MYRIP: variants seen among roughly 807,000 people sequenced by gnomAD.
MYRIP encodes the protein myosin VIIA and Rab interacting protein.
A neutral mutation model predicts 98.0 loss-of-function variants in MYRIP; 49 were observed. That is an observed-to-expected ratio of 0.50 (90% CI 0.40 to 0.63). The LOEUF (loss-of-function observed/expected upper bound fraction) is 0.63, where lower values mean the gene tolerates loss of function less well. MYRIP is among the 30% of genes least tolerant of loss of function. MYRIP has a pLI of 0.00. For synonymous variants in MYRIP, 404 were observed against 409.5 expected, an observed-to-expected ratio of 0.99 and a Z score of 0.16; for missense variants, 1,004 against 1,058.2, an observed-to-expected ratio of 0.95 and a Z score of 0.71.
chr3:40,017,188 C>T (rs1445206314), intron 2 of MYRIP, among the ~76,000 whole-genome samples: 1 of 152,226 alleles, frequency 6.6e-6, no homozygotes, highest in Non-Finnish European at 1.5e-5. Context: ...TGCACTCCCA[C>T]TTCCTTGCAC....
chr3:39,955,740 A>T (rs943274224), intron 2 of MYRIP, among the ~76,000 whole-genome samples: 22 of 152,234 alleles, frequency 1.4e-4, no homozygotes, highest in Admixed American at 4.6e-4. Context: ...GGCAAATTGG[A>T]TGAAGAGTCA....
intron 8 of MYRIP, among the ~76,000 whole-genome samples, chr3:40,181,281 C>T (rs1475144326): frequency 6.6e-6 from 1 of 152,044 alleles, no homozygotes; most frequent in Non-Finnish European, 1.5e-5. Flanking sequence ...CATGGCCCTG[C>T]CCACAGCTCT....
chr3:40,139,370 C>T (rs1261390516), intron 3 of MYRIP, among the ~76,000 whole-genome samples: 1 of 152,152 alleles, frequency 6.6e-6, no homozygotes, highest in Non-Finnish European at 1.5e-5. Flanking sequence ...AGAACATTTC[C>T]AACTTCTTGA....
intron 3 of MYRIP, among the ~76,000 whole-genome samples, chr3:40,103,690 C>T (rs891606140): frequency 5.3e-5 from 8 of 151,896 alleles, no homozygotes; most frequent in Non-Finnish European, 1.0e-4. Context: ...ACCCAGGAGG[C>T]GGAGGTTGCA....
At chr3:39,936,499 G>A (rs906690455) in intron 2 of MYRIP, among the ~76,000 whole-genome samples, 3 of 152,114 alleles carry the variant, frequency 2.0e-5, no homozygotes, top group African/African-American at 7.2e-5. Context: ...GTATCTCCAA[G>A]CAGCAAACAA....
intron 11 of MYRIP, 55 bp downstream of exon 11, chr3:40,210,148 G>A (rs1951884181): frequency 2.5e-6 from 4 of 1,577,578 alleles, no homozygotes; most frequent in Non-Finnish European, 3.4e-6. Flanking sequence ...TGGGGTGTTG[G>A]AGAAAGATCC....
intron 2 of MYRIP, among the ~76,000 whole-genome samples, chr3:40,028,274 A>C (rs1390376210): frequency 6.6e-6 from 1 of 152,174 alleles, no homozygotes; most frequent in Non-Finnish European, 1.5e-5. Flanking sequence ...CACCAGATGT[A>C]AGAAGATACT....
intron 2 of MYRIP, among the ~76,000 whole-genome samples, chr3:39,978,420 T>C (rs1007719229): frequency 6.6e-6 from 1 of 152,188 alleles, no homozygotes; most frequent in African/African-American, 2.4e-5. Context: ...GGCTAGTGTC[T>C]CCCATAGCAG....
intron 1 of MYRIP, among the ~76,000 whole-genome samples, chr3:39,871,057 G>C (rs1021949117): frequency 1.3e-5 from 2 of 152,220 alleles, no homozygotes; most frequent in Non-Finnish European, 2.9e-5. Flanking sequence ...GAGATTTACT[G>C]TGATTCAATG....
chr3:39,937,962 G>A (rs1045299512), intron 2 of MYRIP, among the ~76,000 whole-genome samples: 1 of 152,272 alleles, frequency 6.6e-6, no homozygotes, highest in Non-Finnish European at 1.5e-5. Context: ...AGGAGGAGGA[G>A]AGAGAAGTAG....
intron 2 of MYRIP, among the ~76,000 whole-genome samples, chr3:39,920,887 T>C (rs959709486): frequency 6.6e-6 from 1 of 152,176 alleles, no homozygotes; most frequent in African/African-American, 2.4e-5. Context: ...AGTCCTCCTA[T>C]ACCAGCCTCT....
intron 1 of MYRIP, among the ~76,000 whole-genome samples, chr3:39,847,497 T>C (rs1942000160): frequency 6.6e-6 from 1 of 152,248 alleles, no homozygotes; most frequent in South Asian, 2.1e-4. Flanking sequence ...TCATAGCTGG[T>C]ACTCATAACT....
chr3:39,897,810 A>G (rs1223212696), intron 1 of MYRIP, among the ~76,000 whole-genome samples: 1 of 147,236 alleles, frequency 6.8e-6, no homozygotes, highest in African/African-American at 2.6e-5. Flanking sequence ...ATTTCTTTAC[A>G]AAAACAAGTC....
intron 2 of MYRIP, among the ~76,000 whole-genome samples, chr3:40,001,484 C>A (rs1176206931): frequency 2.0e-5 from 3 of 152,218 alleles, no homozygotes; most frequent in Non-Finnish European, 4.4e-5. Flanking sequence ...GATTATTTTA[C>A]TGTTATCATG....
At chr3:40,199,542 G>T (rs914760820) in intron 10 of MYRIP, among the ~76,000 whole-genome samples, 3 of 152,114 alleles carry the variant, frequency 2.0e-5, no homozygotes, top group Admixed American at 2.0e-4. Flanking sequence ...AGGTAGTAGT[G>T]ACACTCCCCT....
At chr3:39,820,753 A>G (rs991630948) in intron 1 of MYRIP, among the ~76,000 whole-genome samples, 12 of 152,060 alleles carry the variant, frequency 7.9e-5, no homozygotes, top group Admixed American at 4.6e-4. Context: ...CCACCAATCA[A>G]TTTTTCAGCT....
intron 10 of MYRIP, among the ~76,000 whole-genome samples, chr3:40,193,915 A>G (rs1316352119): frequency 6.6e-6 from 1 of 151,952 alleles, no homozygotes; most frequent in African/African-American, 2.4e-5. Flanking sequence ...ATTTTATTGG[A>G]CTATTTGTCT....
At chr3:39,950,165 G>A (rs974144034) in intron 2 of MYRIP, among the ~76,000 whole-genome samples, 3 of 151,880 alleles carry the variant, frequency 2.0e-5, no homozygotes, top group South Asian at 2.1e-4. Flanking sequence ...TCCATCTTTA[G>A]TTTGTGCTTT....
At chr3:40,242,579 T>TG (rs1953057328) in intron 12 of MYRIP, 2 of 151,868 alleles carry the variant, frequency 1.3e-5, no homozygotes, top group Admixed American at 1.3e-4. Context: ...TCCCAGGGTG[T>TG]GATGACATTG....
Sources: allele counts gnomAD v4.1 joint callset (sites outside exome capture counted in the v4.1 genomes callset), GRCh38; gene constraint gnomAD v4.1.1; transcripts MANE v1.5; gene names NCBI Gene and HGNC (gene_info 2026-07-23, HGNC 2026-07-21).